DGKI: variants seen among roughly 807,000 people sequenced by gnomAD.
The protein encoded by DGKI is diacylglycerol kinase iota.
DGKI carries 55 observed loss-of-function variants against 147.5 expected under a neutral mutation model. That is an observed-to-expected ratio of 0.37 (90% CI 0.30 to 0.47). DGKI has a LOEUF of 0.47. Ranked by LOEUF, DGKI falls within the 20% of genes least tolerant of loss-of-function variation. The pLI is 1.00. For synonymous variants in DGKI, 469 were observed against 477.1 expected (o/e 0.98, Z 0.22); for missense variants, 1,007 against 1,323.8 (o/e 0.76, Z 3.71).
At chr7:137,562,254 T>C (rs1038954425) in intron 19 of DGKI, among the ~76,000 whole-genome samples, 2 of 152,148 alleles carry the variant, frequency 1.3e-5, no homozygotes, top group African/African-American at 2.4e-5. Context: ...TATAAGGTAA[T>C]GCTGGGCACA....
At chr7:137,708,389 G>C (rs1794109458) in intron 1 of DGKI, among the ~76,000 whole-genome samples, 1 of 152,176 alleles carries the variant, frequency 6.6e-6, no homozygotes, top group Non-Finnish European at 1.5e-5. Context: ...GAGTGGAAGT[G>C]ACAGCTTTGG....
chr7:137,724,829 A>G (rs143783622), intron 1 of DGKI, among the ~76,000 whole-genome samples: 77 of 152,330 alleles, frequency 5.1e-4, no homozygotes, highest in African/African-American at 1.9e-3. Context: ...TGCAGCATAT[A>G]AATGGTATAT....
At chr7:137,457,471 T>C (rs1814248797) in intron 27 of DGKI, among the ~76,000 whole-genome samples, 1 of 152,140 alleles carries the variant, frequency 6.6e-6, no homozygotes, top group Admixed American at 6.6e-5. Context: ...AGAAACTGAA[T>C]AAAGAAAATA....
chr7:137,422,595 C>CT (rs60494368), intron 28 of DGKI, among the ~76,000 whole-genome samples: 14,535 of 61,506 alleles, frequency 0.24, 3,904 homozygotes, highest in Non-Finnish European at 0.31. Flanking sequence ...TTTTTCTTTT[C>CT]TTTTTTTTTT....
At chr7:137,741,889 T>A (rs898202380) in intron 1 of DGKI, among the ~76,000 whole-genome samples, 1 of 152,164 alleles carries the variant, frequency 6.6e-6, no homozygotes, top group Non-Finnish European at 1.5e-5. Context: ...TTTCTAGTAA[T>A]GAAGCTCTCA....
intron 1 of DGKI, among the ~76,000 whole-genome samples, chr7:137,799,597 A>G (rs1257598848): frequency 6.6e-6 from 1 of 152,236 alleles, no homozygotes; most frequent in East Asian, 1.9e-4. Context: ...TACTCTTTTA[A>G]AAGTGATTAT....
At chr7:137,597,034 G>A (rs1819821790) in intron 12 of DGKI, among the ~76,000 whole-genome samples, 1 of 152,114 alleles carries the variant, frequency 6.6e-6, no homozygotes, top group Admixed American at 6.6e-5. Context: ...ACCATAAGTA[G>A]AGGCCAAATG....
chr7:137,413,861 T>A (rs1026703320), intron 28 of DGKI, among the ~76,000 whole-genome samples: 1 of 152,232 alleles, frequency 6.6e-6, no homozygotes, highest in Non-Finnish European at 1.5e-5. Context: ...ATCTCCAAAC[T>A]GCTTTCCACA....
intron 28 of DGKI, among the ~76,000 whole-genome samples, chr7:137,426,608 C>T (rs1044721574): frequency 6.6e-6 from 1 of 151,474 alleles, no homozygotes; most frequent in Non-Finnish European, 1.5e-5. Flanking sequence ...GACTGGCAAA[C>T]TGGATAAAGA....
intron 1 of DGKI, among the ~76,000 whole-genome samples, chr7:137,696,208 T>C (rs1022605135): frequency 1.3e-5 from 2 of 152,188 alleles, no homozygotes; most frequent in Admixed American, 6.5e-5. Flanking sequence ...AAAGGGGTTA[T>C]TCAAACAGAA....
chr7:137,437,188 T>A (rs1303120535), intron 28 of DGKI, among the ~76,000 whole-genome samples: 1 of 152,176 alleles, frequency 6.6e-6, no homozygotes, highest in African/African-American at 2.4e-5. Context: ...ATACAAAGCA[T>A]AATGATTGGA....
rs189404990 is a variant in DGKI at position 137,536,936 on chromosome 7, G to A, written c.2148-14970C>T. ...AATTAAAAAAAAAACAACATTAACC[G>A]AGTTGCAGCCTGGGCTCTCATGGAA... On this transcript the variant is annotated intron_variant, in intron 20 of 32. Coordinates refer to ENST00000614521, the MANE Select transcript of DGKI (RefSeq NM_001321708.2). 3.4e-3 allele frequency among the ~76,000 whole-genome samples: 524 copies of A among 152,190 alleles called. 4 individuals carry two copies. Among genetic ancestry groups the A allele is most frequent in the African/African-American group, 0.012 (503 of 41,530 alleles).
chr7:137,603,065 C>T (rs573617518), intron 10 of DGKI, among the ~76,000 whole-genome samples: 1 of 152,194 alleles, frequency 6.6e-6, no homozygotes, highest in African/African-American at 2.4e-5. Context: ...CAGGAGAATA[C>T]AAATTCCCAA....
chr7:137,559,776 C>T (rs1249526071), intron 19 of DGKI, among the ~76,000 whole-genome samples: 10 of 151,552 alleles, frequency 6.6e-5, no homozygotes, highest in Admixed American at 4.6e-4. Flanking sequence ...GATTTAGACT[C>T]GTATTCATGA....
chr7:137,592,357 C>CT (rs1320555804), intron 12 of DGKI, among the ~76,000 whole-genome samples: 2 of 152,210 alleles, frequency 1.3e-5, no homozygotes, highest in African/African-American at 4.8e-5. Flanking sequence ...TTGCAAAGTT[C>CT]TTTCCTTCCT....
At chr7:137,683,605 A>C (rs1009189095) in intron 2 of DGKI, among the ~76,000 whole-genome samples, 1 of 152,120 alleles carries the variant, frequency 6.6e-6, no homozygotes, top group African/African-American at 2.4e-5. Context: ...TGTTCATTCT[A>C]CTGTCCCTAC....
intron 15 of DGKI, 87 bp downstream of exon 15, chr7:137,581,763 G>A (rs1456148251): frequency 2.7e-6 from 3 of 1,130,926 alleles, no homozygotes; most frequent in East Asian, 2.4e-5. Flanking sequence ...CTGTAAACGC[G>A]TAAGTGATAT....
At chr7:137,841,889 T>C (rs996958470) in intron 1 of DGKI, among the ~76,000 whole-genome samples, 21 of 152,212 alleles carry the variant, frequency 1.4e-4, no homozygotes, top group African/African-American at 5.1e-4. Context: ...AGACCTCTCT[T>C]CAACTTCCCT....
chr7:137,425,744 T>G (rs983716168), intron 28 of DGKI, among the ~76,000 whole-genome samples: 2 of 152,094 alleles, frequency 1.3e-5, no homozygotes, highest in Admixed American at 1.3e-4. Context: ...GAGAACTACG[T>G]GAAGAATCCA....
Sources: allele counts gnomAD v4.1 joint callset (sites outside exome capture counted in the v4.1 genomes callset), GRCh38; gene constraint gnomAD v4.1.1; transcripts MANE v1.5; gene names NCBI Gene and HGNC (gene_info 2026-07-23, HGNC 2026-07-21).